SH2D4A: variants seen among roughly 807,000 people sequenced by gnomAD.
SH2D4A encodes SH2 domain-containing protein 4A.
A neutral mutation model predicts 64.7 loss-of-function variants in SH2D4A; 70 were observed. The observed-to-expected ratio is 1.08, with a 90% CI of 0.89 to 1.32. The LOEUF is 1.32. SH2D4A is among the 40% of genes most tolerant of loss of function. The pLI is 0.00. For synonymous variants in SH2D4A, 268 were observed against 200.7 expected, an observed-to-expected ratio of 1.34 and a Z score of -2.83; for missense variants, 706 against 540.1, an observed-to-expected ratio of 1.31 and a Z score of -3.04.
intron 2 of SH2D4A, among the ~76,000 whole-genome samples, chr8:19,323,532 C>T (rs967495829): frequency 5.3e-5 from 8 of 152,002 alleles, no homozygotes; most frequent in Admixed American, 4.6e-4. Flanking sequence ...AGGTGTGCGC[C>T]AGCACACCCA....
chr8:19,381,678 C>A (rs2053295597), intron 8 of SH2D4A, among the ~76,000 whole-genome samples: 1 of 152,166 alleles, frequency 6.6e-6, no homozygotes, highest in Non-Finnish European at 1.5e-5. Flanking sequence ...CTAGAACTTA[C>A]AGGAATAGTT....
chr8:19,352,911 G>A (rs2052730367), intron 4 of SH2D4A, among the ~76,000 whole-genome samples: 1 of 152,138 alleles, frequency 6.6e-6, no homozygotes, highest in Non-Finnish European at 1.5e-5. Context: ...TTGGGGGACT[G>A]AGGTGGGAGG....
At chr8:19,332,189 C>CAAATG (rs1416865305) in intron 2 of SH2D4A, among the ~76,000 whole-genome samples, 3 of 152,130 alleles carry the variant, frequency 2.0e-5, no homozygotes, top group African/African-American at 7.2e-5. Context: ...GAATGTAGTA[C>CAAATG]AAATGCCACA....
chr8:19,367,949 A>T lies in SH2D4A; in HGVS notation c.917+3667A>T, dbSNP rs543906363. On this transcript the variant is annotated intron_variant, in intron 7 of 9. Coordinates refer to ENST00000265807, the MANE Select transcript of SH2D4A (RefSeq NM_022071.4). Reference sequence around the variant, plus strand: ...AAAATAAAAATCCTTGCTCAGACTGATGTCCTCAAGTGTTTCCCCAGTATT... The same window carrying T: ...AAAATAAAAATCCTTGCTCAGACTGTTGTCCTCAAGTGTTTCCCCAGTATT... Among the ~76,000 whole-genome samples, 134 of 152,128 alleles carry T rather than the reference A, an allele frequency of 8.8e-4. 1 individual carries two copies. The highest frequency in any genetic ancestry group is 5.9e-4 in the Admixed American group (9 of 15,264).
chr8:19,372,341 G>GAA (rs1255611910), intron 7 of SH2D4A, among the ~76,000 whole-genome samples: 2 of 152,174 alleles, frequency 1.3e-5, no homozygotes, highest in African/African-American at 4.8e-5. Flanking sequence ...TGGACCTGAG[G>GAA]AAGAACTCAA....
chr8:19,391,997 C>A (rs1302794993), intron 8 of SH2D4A, among the ~76,000 whole-genome samples: 1 of 152,214 alleles, frequency 6.6e-6, no homozygotes, highest in Admixed American at 6.5e-5. Flanking sequence ...TCTCAGCTCA[C>A]TGAATAATTC....
chr8:19,353,331 A>G (rs2052736526), intron 4 of SH2D4A, among the ~76,000 whole-genome samples: 1 of 151,118 alleles, frequency 6.6e-6, no homozygotes, highest in African/African-American at 2.4e-5. Flanking sequence ...TGATATTGCC[A>G]TCATAAGTCA....
chr8:19,335,693 TA>T (rs2052434936), intron 4 of SH2D4A, among the ~76,000 whole-genome samples: 1 of 152,214 alleles, frequency 6.6e-6, no homozygotes, highest in African/African-American at 2.4e-5. Flanking sequence ...TTGCGGATTC[TA>T]AACATCAGTG....
rs1051720166 is a variant in SH2D4A at position 19,395,924 on chromosome 8, G to A, written c.*1282G>A. 1 of 151,854 alleles carries A rather than the reference G, an allele frequency of 6.6e-6. No homozygotes were observed. Among genetic ancestry groups the A allele is most frequent in the African/African-American group, 2.4e-5 (1 of 41,364 alleles). The allele number at this position is 151,854 out of a possible 1,614,324, so 9.4% of individuals were successfully genotyped here. A position where few individuals can be genotyped will look rare whatever the true frequency, so the allele number is the denominator to read the frequency against. On this transcript the variant is annotated 3_prime_UTR_variant, in exon 10 of 10. Transcript: ENST00000265807. Reference sequence around the variant, plus strand: ...AGATCGACCCATTCACTGCTGCCCAGTCCACCATTTTCATAATGAAGTAGA... The same window carrying A: ...AGATCGACCCATTCACTGCTGCCCAATCCACCATTTTCATAATGAAGTAGA...
At chr8:19,360,445 C>G (rs1197338433) in intron 5 of SH2D4A, among the ~76,000 whole-genome samples, 1 of 151,822 alleles carries the variant, frequency 6.6e-6, no homozygotes, top group Non-Finnish European at 1.5e-5. Context: ...GAAACTCCAT[C>G]TCTTCAAAAA....
At chr8:19,363,588 TC>T in intron 6 of SH2D4A, among the ~76,000 whole-genome samples, 1 of 152,298 alleles carries the variant, frequency 6.6e-6, no homozygotes, top group East Asian at 1.9e-4. Flanking sequence ...TCTCATTCTG[TC>T]CTGCTCTCTG....
At position 19,364,080 on chromosome 8, in the gene SH2D4A, T is replaced by C; in HGVS notation, c.715T>C (p.Ser239Pro). The C allele has an allele frequency of 6.2e-7, 1 of 1,613,818 alleles. No individual in the cohort carries two copies. Among genetic ancestry groups the C allele is most frequent in the South Asian group, 1.1e-5 (1 of 91,080 alleles). ...DSEWQASLRK[S>P]KAADEKRRSL... ...CCCCGTTGTTTTTCCAGTGCGAAAA[T>C]CCAAAGCAGCTGATGAGAAGAGACG... Residue 239 changes from serine (S) to proline (P), a missense_variant, in exon 7 of 10, where the codon TCC becomes CCC. Transcript: ENST00000265807.
In SH2D4A at chr8:19,396,153, C is replaced by G. The variant is rs1421116909; in HGVS notation, c.*1511C>G. On this transcript the variant is annotated 3_prime_UTR_variant, in exon 10 of 10. Coordinates refer to ENST00000265807, the MANE Select transcript of SH2D4A (RefSeq NM_022071.4). Reference sequence around the variant, plus strand: ...GGAGGATGGAGATTGGCTAGTACCTCTGGCCTAACTGTGTAGGTCAATACT... The same window carrying G: ...GGAGGATGGAGATTGGCTAGTACCTGTGGCCTAACTGTGTAGGTCAATACT... 1 of 152,198 alleles carries G rather than the reference C, an allele frequency of 6.6e-6. No individual in the cohort carries two copies. Among genetic ancestry groups the G allele is most frequent in the Non-Finnish European group, 1.5e-5 (1 of 68,046 alleles). The allele number at this position is 152,198 out of a possible 1,614,324, so 9.4% of individuals were successfully genotyped here.
intron 2 of SH2D4A, among the ~76,000 whole-genome samples, chr8:19,324,170 G>A (rs949781251): frequency 1.3e-5 from 2 of 152,178 alleles, no homozygotes; most frequent in Non-Finnish European, 2.9e-5. Flanking sequence ...ATTTTATTGG[G>A]TAACGCAAAC....
At chr8:19,375,105 G>C (rs1336253787) in intron 8 of SH2D4A, 2 of 152,002 alleles carry the variant, frequency 1.3e-5, no homozygotes, top group African/African-American at 2.4e-5. Flanking sequence ...TTGGAGGTTT[G>C]GTTAAAAAAT....
At chr8:19,317,303 ATTTTTTTTTT>A (rs761621347) in intron 1 of SH2D4A, among the ~76,000 whole-genome samples, 8 of 97,372 alleles carry the variant, frequency 8.2e-5, no homozygotes, top group African/African-American at 2.8e-4. Context: ...CAAGACATCC[ATTTTTTTTTT>A]TTTTTTTTTT....
chr8:19,333,197 A>G (rs538455935), intron 3 of SH2D4A, 83 bp downstream of exon 3: 62 of 1,461,000 alleles, frequency 4.2e-5, no homozygotes, highest in South Asian at 4.0e-4. Context: ...TGCTCACAGT[A>G]TCAGGTGGGA....
rs771301978 is a variant in SH2D4A, at chr8:19,357,441, G to A, written c.594+158G>A. Among the ~76,000 whole-genome samples the A allele has an allele frequency of 2.5e-4, 38 of 152,228 alleles. No homozygotes were observed. In the Middle Eastern group the frequency reaches 0.017, roughly 68 times the overall value. ...CAAACACAGTTCTGCATCTTTACCC[G>A]TTTATCTGGAGTTCGGGAAGTGTTG... On this transcript the variant is annotated intron_variant, in intron 5 of 9. Transcript: ENST00000265807.
chr8:19,373,424 A>C (rs896035947), intron 7 of SH2D4A, 106 bp from the exon 8 acceptor site: 128 of 696,882 alleles, frequency 1.8e-4, no homozygotes, highest in South Asian at 2.7e-4. Flanking sequence ...ATATATATGC[A>C]TGTATATGTA....
Sources: gnomAD v4.1 joint callset for allele counts (sites outside exome capture counted in the v4.1 genomes callset) on GRCh38, gnomAD v4.1.1 for gene constraint, MANE v1.5 for transcripts, NCBI Gene and HGNC (gene_info 2026-07-23, HGNC 2026-07-21) for gene names.